The following VPS13B variants were observed in gnomAD, a reference collection of about 807,000 sequenced individuals.
VPS13B encodes the protein vacuolar protein sorting 13 homolog B, also known as intermembrane lipid transfer protein VPS13B.
In VPS13B, 285 loss-of-function variants were observed where a neutral mutation model predicts 426.4. That is an observed-to-expected ratio of 0.67 (90% CI 0.61 to 0.74). The LOEUF is 0.74. Ranked by LOEUF, VPS13B falls within the 30% of genes least tolerant of loss-of-function variation. The pLI, the probability that VPS13B is intolerant of heterozygous loss-of-function variation, is 0.00. For synonymous variants in VPS13B, 1,676 were observed against 1,676.4 expected (o/e 1.00, Z 0.01); for missense variants, 4,537 against 4,782.6 (o/e 0.95, Z 1.51).
At chr8:99,298,226 C>T (rs771318346) in intron 19 of VPS13B, among the ~76,000 whole-genome samples, 23 of 152,186 alleles carry the variant, frequency 1.5e-4, no homozygotes, top group Non-Finnish European at 2.1e-4. Context: ...CGGTGGCTTG[C>T]GCCTGTAATC....
intron 15 of VPS13B, among the ~76,000 whole-genome samples, chr8:99,165,678 G>T (rs376087599): frequency 4.6e-5 from 7 of 152,054 alleles, no homozygotes; most frequent in African/African-American, 1.4e-4. Flanking sequence ...CACATTTTAC[G>T]GTTACATAAA....
intron 19 of VPS13B, among the ~76,000 whole-genome samples, chr8:99,330,329 T>TG (rs1327456742): frequency 1.2e-4 from 18 of 151,936 alleles, no homozygotes; most frequent in Admixed American, 1.1e-3. Flanking sequence ...AGGCCAGTGA[T>TG]GGGGGTATGT....
At chr8:99,047,366 G>A (rs1420920230) in intron 3 of VPS13B, among the ~76,000 whole-genome samples, 1 of 152,000 alleles carries the variant, frequency 6.6e-6, no homozygotes. Flanking sequence ...TGTCTTGTCC[G>A]TTGTAATATT....
At position 99,667,094 on chromosome 8, in the gene VPS13B, G is replaced by A. The variant is rs150203340; in HGVS notation, c.6046+5603G>A. ...GAATTGAAATAGTTATTTTACAGCA[G>A]CACTTCTCAAACTTGATTTTGCATT... On this transcript the variant is annotated intron_variant, in intron 35 of 61. Coordinates refer to ENST00000357162, the MANE Select transcript of VPS13B (RefSeq NM_152564.5). 3.3e-5 allele frequency among the ~76,000 whole-genome samples: 5 copies of A among 152,278 alleles called. No homozygotes were observed. In the East Asian group the frequency reaches 9.6e-4, roughly 29 times the overall value.
intron 2 of VPS13B, among the ~76,000 whole-genome samples, chr8:99,017,952 A>G (rs1490964693): frequency 6.6e-6 from 1 of 152,234 alleles, no homozygotes; most frequent in East Asian, 1.9e-4. Flanking sequence ...TTTTCAATTC[A>G]TGTACAGAGC....
intron 22 of VPS13B, among the ~76,000 whole-genome samples, chr8:99,436,141 G>C (rs1374135875): frequency 6.6e-6 from 1 of 152,172 alleles, no homozygotes; most frequent in Non-Finnish European, 1.5e-5. Flanking sequence ...AAAATGCTTA[G>C]AATTTTGAGG....
chr8:99,364,521 C>A (rs938231442), intron 19 of VPS13B, among the ~76,000 whole-genome samples: 3 of 152,116 alleles, frequency 2.0e-5, no homozygotes, highest in African/African-American at 7.2e-5. Context: ...CAGCCTTGAC[C>A]TTCCAGGCTC....
chr8:99,340,715 G>A, intron 19 of VPS13B: 1 of 361,812 alleles, frequency 2.8e-6, no homozygotes, highest in Non-Finnish European at 5.4e-6. Context: ...AGGTTCAGGA[G>A]CAGCCTGGGG....
intron 29 of VPS13B, among the ~76,000 whole-genome samples, chr8:99,519,950 T>TA (rs1286068840): frequency 6.6e-6 from 1 of 152,074 alleles, no homozygotes; most frequent in Non-Finnish European, 1.5e-5. Context: ...TAAAGTATAA[T>TA]AAAAAAATGT....
At chr8:99,081,700 G>C (rs1237377388) in intron 3 of VPS13B, among the ~76,000 whole-genome samples, 1 of 151,350 alleles carries the variant, frequency 6.6e-6, no homozygotes, top group East Asian at 1.9e-4. Context: ...CTATGAGTGA[G>C]AACATGCAGT....
At chr8:99,013,998 G>A (rs1841457097) in intron 2 of VPS13B, 63 bp downstream of exon 2, 1 of 1,582,910 alleles carries the variant, frequency 6.3e-7, no homozygotes, top group Non-Finnish European at 8.6e-7. Flanking sequence ...GTAATCTATT[G>A]TTTCCTAAGC....
At position 99,787,632 on chromosome 8, in the gene VPS13B, G is replaced by A. The variant is rs796306985; in HGVS notation, c.7941+3156G>A. On this transcript the variant is annotated intron_variant, in intron 43 of 61. Transcript: ENST00000357162. ...TATGCTACGTTGAATCTAGGGACCA[G>A]AAGTGTGAGTTTATAGAATGTTTCC... Among the ~76,000 whole-genome samples, 9 of 152,262 alleles carry A rather than the reference G, an allele frequency of 5.9e-5. 1 individual carries two copies. Among genetic ancestry groups the A allele is most frequent in the African/African-American group, 1.9e-4 (8 of 41,552 alleles).
intron 40 of VPS13B, among the ~76,000 whole-genome samples, chr8:99,769,649 G>A (rs1288361613): frequency 6.6e-6 from 1 of 152,136 alleles, no homozygotes; most frequent in African/African-American, 2.4e-5. Context: ...TGGCATCACC[G>A]TAAATATGTA....
At chr8:99,209,203 C>T (rs1413654180) in intron 17 of VPS13B, among the ~76,000 whole-genome samples, 5 of 150,854 alleles carry the variant, frequency 3.3e-5, no homozygotes, top group South Asian at 2.1e-4. Flanking sequence ...CACTTTAACA[C>T]GGGAGGCAGA....
chr8:99,718,504 T>C (rs1281970438), intron 37 of VPS13B, among the ~76,000 whole-genome samples: 1 of 152,198 alleles, frequency 6.6e-6, no homozygotes, highest in Admixed American at 6.5e-5. Context: ...AACTTATTTC[T>C]TGATTATTTT....
intron 15 of VPS13B, among the ~76,000 whole-genome samples, chr8:99,166,744 C>A (rs117109879): frequency 6.6e-6 from 1 of 151,986 alleles, no homozygotes; most frequent in Non-Finnish European, 1.5e-5. Context: ...CTCAAGGGAC[C>A]CCAAATAACC....
At chr8:99,213,500 C>G (rs960971357) in intron 17 of VPS13B, among the ~76,000 whole-genome samples, 2 of 152,016 alleles carry the variant, frequency 1.3e-5, no homozygotes, top group African/African-American at 4.8e-5. Context: ...CTTTTTAGAT[C>G]CTTTTATATA....
At chr8:99,828,412 TTTTTTTTTTTTTTTTTTTTTTTGC>T (rs1814846009) in intron 51 of VPS13B, among the ~76,000 whole-genome samples, 1 of 112,654 alleles carries the variant, frequency 8.9e-6, no homozygotes, top group African/African-American at 3.5e-5. Flanking sequence ...TTTTTTTTTT[TTTTTTTTTTTTTTTTTTTTTTTGC>T]TTTCCATGTG....
intron 45 of VPS13B, 73 bp downstream of exon 45, chr8:99,817,876 A>G: frequency 1.2e-6 from 2 of 1,606,638 alleles, no homozygotes; most frequent in Non-Finnish European, 1.7e-6. Flanking sequence ...CTTTACTCGT[A>G]CAGCACTTAA....
Sources: allele counts gnomAD v4.1 joint callset (sites outside exome capture counted in the v4.1 genomes callset), GRCh38; gene constraint gnomAD v4.1.1; transcripts MANE v1.5; gene names NCBI Gene and HGNC (gene_info 2026-07-23, HGNC 2026-07-21).